The following USP8 variants were observed in gnomAD, a reference collection of about 807,000 sequenced individuals.
USP8 encodes ubiquitin specific peptidase 8.
A neutral mutation model predicts 130.0 loss-of-function variants in USP8; 27 were observed. That is an observed-to-expected ratio of 0.21 (90% CI 0.15 to 0.29). The LOEUF (loss-of-function observed/expected upper bound fraction) is 0.29, where lower values mean the gene tolerates loss of function less well. Ranked by LOEUF, USP8 falls within the 10% of genes least tolerant of loss-of-function variation. The pLI is 1.00. For missense variants in USP8, 1,029 were observed against 1,312.2 expected (o/e 0.78, Z 3.33); for synonymous variants, 392 against 444.1 (o/e 0.88, Z 1.48).
intron 7 of USP8, among the ~76,000 whole-genome samples, chr15:50,469,831 ATTTT>A (rs35172083): frequency 7.4e-6 from 1 of 136,048 alleles, no homozygotes; most frequent in Non-Finnish European, 1.6e-5. Context: ...ATTAAATCCA[ATTTT>A]TTTTTTTTTT....
chr15:50,477,521 T>A (rs2051607893), intron 10 of USP8, 22 bp downstream of exon 10: 1 of 1,587,712 alleles, frequency 6.3e-7, no homozygotes, highest in Admixed American at 1.8e-5. Context: ...ATTTTAACAT[T>A]ATTCTCGCTT....
At chr15:50,474,877 G>A (rs190942034) in intron 8 of USP8, among the ~76,000 whole-genome samples, 1 of 152,338 alleles carries the variant, frequency 6.6e-6, no homozygotes, top group Admixed American at 6.5e-5. Flanking sequence ...GGGAGGCTGA[G>A]GCAGGTGGAT....
At chr15:50,475,226 C>G (rs1420327569) in intron 8 of USP8, among the ~76,000 whole-genome samples, 1 of 152,114 alleles carries the variant, frequency 6.6e-6, no homozygotes, top group Admixed American at 6.5e-5. Context: ...AGTACATTCA[C>G]TGTTTACTAA....
intron 1 of USP8, among the ~76,000 whole-genome samples, chr15:50,430,209 C>T (rs72738959): frequency 0.09 from 13,635 of 152,086 alleles, 1,334 homozygotes; most frequent in African/African-American, 0.25. Context: ...TAGACAGTCA[C>T]TCTTTAGAAC....
At chr15:50,449,673 C>T (rs1370346292) in intron 4 of USP8, among the ~76,000 whole-genome samples, 188 bp downstream of exon 4, 1 of 149,084 alleles carries the variant, frequency 6.7e-6, no homozygotes, top group Non-Finnish European at 1.5e-5. Context: ...GCTCCACTTC[C>T]TGGGTTCACG....
rs3098183 is a variant in USP8, at chr15:50,514,272, C to T, written c.*15184C>T. ...TTCCAGACTCGAAGGCAGGTACAAG[C>T]ACAGTTAGGGTGCTGGTAACATTCT... On this transcript the variant is annotated 3_prime_UTR_variant, in exon 20 of 20. Transcript: ENST00000307179. The T allele has an allele frequency of 0.3, 45,106 of 151,962 alleles. 7,178 individuals are homozygous for T. The highest frequency in any genetic ancestry group is 0.57 in the East Asian group (2,925 of 5,164). The allele number at this position is 151,962 out of a possible 1,614,324, so 9.4% of individuals were successfully genotyped here. A position where few individuals can be genotyped will look rare whatever the true frequency, so the allele number is the denominator to read the frequency against.
At position 50,511,415 on chromosome 15, in the gene USP8, C is replaced by T. The variant is rs549364311; in HGVS notation, c.*12327C>T. 1 of 152,232 alleles carries T rather than the reference C, an allele frequency of 6.6e-6. No homozygotes were observed. Among genetic ancestry groups the T allele is most frequent in the South Asian group, 2.1e-4 (1 of 4,826 alleles). The allele number at this position is 152,232 out of a possible 1,614,324, so 9.4% of individuals were successfully genotyped here. On this transcript the variant is annotated 3_prime_UTR_variant, in exon 20 of 20. Coordinates refer to ENST00000307179, the MANE Select transcript of USP8 (RefSeq NM_005154.5). Reference sequence around the variant, plus strand: ...GTTACCATATGACCCAGAAATTTCACACTTAGGTATATACCCAACAGAAAT... The same window carrying T: ...GTTACCATATGACCCAGAAATTTCATACTTAGGTATATACCCAACAGAAAT...
chr15:50,485,505 T>C (rs1201023120), intron 12 of USP8, among the ~76,000 whole-genome samples: 1 of 146,668 alleles, frequency 6.8e-6, no homozygotes, highest in East Asian at 2.0e-4. Flanking sequence ...TGAGATACAA[T>C]TTGCATACCA....
At chr15:50,441,292 C>T (rs2050252102) in intron 2 of USP8, 57 bp from the exon 3 acceptor site, 3 of 1,484,464 alleles carry the variant, frequency 2.0e-6, no homozygotes, top group Non-Finnish European at 2.7e-6. Flanking sequence ...TGTATATGAC[C>T]TGTATTTTTT....
rs772158668 is a variant in USP8, at chr15:50,494,190, G to C, written c.2568G>C (p.Lys856Asn). 8.1e-6 allele frequency: 13 copies of C among 1,613,930 alleles called. No individual in the cohort carries two copies. Among genetic ancestry groups the C allele is most frequent in the Non-Finnish European group, 9.3e-6 (11 of 1,179,980 alleles). ...AGGACTTTAAAATCACCATTGGGAAGATCAATGACCAGTTTGCAGGATACA... is the reference window on the plus strand; with the variant it reads ...AGGACTTTAAAATCACCATTGGGAACATCAATGACCAGTTTGCAGGATACA... The part of the protein sequence containing the change: ...SPKDFKITIG[K>N]INDQFAGYSQ... Residue 856 changes from lysine to asparagine, a missense_variant, in exon 16 of 20, where the codon AAG (lysine) becomes AAC (asparagine). By Grantham distance (94) the Lys-to-Asn change is moderately conservative. Coordinates refer to ENST00000307179, the MANE Select transcript of USP8 (RefSeq NM_005154.5).
chr15:50,458,929 A>G, intron 4 of USP8, 71 bp from the exon 5 acceptor site: 1 of 1,578,620 alleles, frequency 6.3e-7, no homozygotes, highest in African/African-American at 1.4e-5. Flanking sequence ...CTAATTTTAC[A>G]GAACTGAAAC....
chr15:50,440,875 T>C (rs1237128377), intron 2 of USP8, among the ~76,000 whole-genome samples: 1 of 151,782 alleles, frequency 6.6e-6, no homozygotes, highest in Admixed American at 6.6e-5. Flanking sequence ...GGTGGTACAC[T>C]CCTGTAATCC....
intron 16 of USP8, among the ~76,000 whole-genome samples, chr15:50,495,232 G>GTATA (rs148202858): frequency 1.2e-5 from 1 of 82,870 alleles, no homozygotes; most frequent in East Asian, 5.9e-4. Context: ...AAATATTTGT[G>GTATA]TATATATATA....
rs1056572 is a variant in USP8, at chr15:50,481,690, C to A, written c.1428C>A (p.Asn476Lys). The change falls in exon 11 of 20, where the codon AAC (asparagine) becomes AAA (lysine). Residue 476 changes from asparagine (N) to lysine (K), a missense_variant. Physicochemically the swap from Asn to Lys is moderately conservative, Grantham distance 94. Coordinates refer to ENST00000307179, the MANE Select transcript of USP8 (RefSeq NM_005154.5). ...AAACTGCTCTTCTAATGGAAAAAAA[C>A]AAACAAGAAAAAGAACTTCGGGAAA... The part of the protein sequence containing the change: ...HAETALLMEK[N>K]KQEKELRERQ... 3.7e-6 allele frequency: 6 copies of A among 1,610,306 alleles called. No homozygotes were observed. Among genetic ancestry groups the A allele is most frequent in the South Asian group, 1.1e-5 (1 of 90,288 alleles).
At position 50,497,375 on chromosome 15, in the gene USP8, G is replaced by A. The variant is rs1009353811; in HGVS notation, c.3038+144G>A. 1.0e-5 allele frequency: 10 copies of A among 990,248 alleles called. No individual in the cohort carries two copies. The East Asian group carries it at 1.8e-4, about 18-fold the overall frequency. The allele number at this position is 990,248 out of a possible 1,614,324, so 61.3% of individuals were successfully genotyped here. ...GTTACAGTAGATCTAGGGAAATAAA[G>A]CAGAAATGAGACTGTTAGTTCACCT... On this transcript the variant is annotated intron_variant, in intron 18 of 19. Coordinates refer to ENST00000307179, the MANE Select transcript of USP8 (RefSeq NM_005154.5).
At chr15:50,477,147 CT>C (rs765737935) in intron 9 of USP8, 128 bp from the exon 10 acceptor site, 82 of 1,325,508 alleles carry the variant, frequency 6.2e-5, no homozygotes, top group Non-Finnish European at 8.3e-5. Flanking sequence ...TTCACATTTT[CT>C]TTAAGACTGT....
intron 8 of USP8, 36 bp from the exon 9 acceptor site, chr15:50,476,813 G>A: frequency 6.6e-7 from 1 of 1,525,190 alleles, no homozygotes; most frequent in South Asian, 1.3e-5. Context: ...TTGAAAGATT[G>A]CTGCCCTATT....
intron 1 of USP8, chr15:50,432,193 T>C (rs2049954713): frequency 6.6e-6 from 1 of 152,206 alleles, no homozygotes; most frequent in African/African-American, 2.4e-5. Context: ...AGATGGAACT[T>C]AAGTTTGTTT....
chr15:50,433,899 A>C (rs373207103), intron 1 of USP8, among the ~76,000 whole-genome samples: 12 of 152,246 alleles, frequency 7.9e-5, no homozygotes, highest in South Asian at 4.1e-4. Flanking sequence ...GCCACTGTGC[A>C]CGGCTGCATT....
Sources: allele counts gnomAD v4.1 joint callset (sites outside exome capture counted in the v4.1 genomes callset), GRCh38; gene constraint gnomAD v4.1.1; transcripts MANE v1.5; gene names NCBI Gene and HGNC (gene_info 2026-07-23, HGNC 2026-07-21).